The following PPP2R5E variants were observed in gnomAD, a reference collection of about 807,000 sequenced individuals.
PPP2R5E encodes serine/threonine-protein phosphatase 2A 56 kDa regulatory subunit epsilon isoform.
PPP2R5E carries 4 observed loss-of-function variants against 65.3 expected under a neutral mutation model. The observed-to-expected ratio is 0.06, with a 90% CI of 0.03 to 0.14. The LOEUF is 0.14. PPP2R5E is among the 10% of genes least tolerant of loss of function. The probability of loss-of-function intolerance (pLI) is 1.00; values close to 1 mark genes in which losing one functional copy is unlikely to be tolerated. For missense variants in PPP2R5E, 274 were observed against 556.1 expected (o/e 0.49, Z 5.10); for synonymous variants, 183 against 187.4 (o/e 0.98, Z 0.19).
chr14:63,392,147 CATTTT>C, intron 8 of PPP2R5E, 122 bp from the exon 9 acceptor site: 3 of 619,592 alleles, frequency 4.8e-6, no homozygotes, highest in Non-Finnish European at 7.9e-6. Flanking sequence ...ACATTCAATT[CATTTT>C]AATTATCATA....
intron 4 of PPP2R5E, among the ~76,000 whole-genome samples, chr14:63,419,205 A>G (rs1886872106): frequency 6.6e-6 from 1 of 152,160 alleles, no homozygotes; most frequent in African/African-American, 2.4e-5. Context: ...GGAGCAGTCA[A>G]TTAGCTGGGC....
intron 4 of PPP2R5E, among the ~76,000 whole-genome samples, chr14:63,419,847 T>G (rs992148463): frequency 6.6e-6 from 1 of 152,224 alleles, no homozygotes; most frequent in Non-Finnish European, 1.5e-5. Flanking sequence ...TGCCTTTATA[T>G]CCAAAAGGGC....
intron 1 of PPP2R5E, 39 bp downstream of exon 1, chr14:63,542,740 G>C (rs1005344275): frequency 6.5e-6 from 1 of 153,802 alleles, no homozygotes; most frequent in Non-Finnish European, 1.5e-5. Flanking sequence ...GAGGAAGAAG[G>C]GAAGCGGGCG....
In PPP2R5E at chr14:63,372,692, C is replaced by G. The variant is rs912978327; in HGVS notation, c.*3317G>C. On this transcript the variant is annotated 3_prime_UTR_variant, in exon 14 of 14. Coordinates refer to ENST00000337537, the MANE Select transcript of PPP2R5E (RefSeq NM_006246.5). ...CAAAAAAATAAAAAAGCTTTTAAAG[C>G]TCTAAATATACTTTTTTTGTTTCTT... 2.0e-5 allele frequency: 3 copies of G among 152,100 alleles called. No individual in the cohort carries two copies. Among genetic ancestry groups the G allele is most frequent in the African/African-American group, 7.2e-5 (3 of 41,418 alleles). 9.4% of individuals were successfully genotyped at this position (152,100 alleles called of 1,614,324 possible).
At chr14:63,399,482 C>T (rs941753775) in intron 5 of PPP2R5E, among the ~76,000 whole-genome samples, 2 of 139,416 alleles carry the variant, frequency 1.4e-5, no homozygotes, top group Admixed American at 7.8e-5. Context: ...CGGGTTCAAG[C>T]GATTCTCCTG....
chr14:63,541,205 C>T (rs1362505448), intron 1 of PPP2R5E, among the ~76,000 whole-genome samples: 1 of 152,148 alleles, frequency 6.6e-6, no homozygotes, highest in African/African-American at 2.4e-5. Context: ...ACATAAAAGG[C>T]ATAATTAAAA....
At chr14:63,511,847 G>A (rs1324976333) in intron 2 of PPP2R5E, among the ~76,000 whole-genome samples, 8 of 152,006 alleles carry the variant, frequency 5.3e-5, no homozygotes, top group Admixed American at 3.9e-4. Context: ...GGGAGGCCGA[G>A]GTGAGTGGAT....
chr14:63,516,968 A>C (rs1594961698), intron 2 of PPP2R5E, among the ~76,000 whole-genome samples: 1 of 152,208 alleles, frequency 6.6e-6, no homozygotes, highest in Non-Finnish European at 1.5e-5. Flanking sequence ...GATGAACTAA[A>C]TAGATTTTTA....
At chr14:63,479,951 A>G (rs1890608918) in intron 2 of PPP2R5E, among the ~76,000 whole-genome samples, 1 of 152,218 alleles carries the variant, frequency 6.6e-6, no homozygotes, top group South Asian at 2.1e-4. Flanking sequence ...ATTTGAATGC[A>G]TACATAGTAA....
chr14:63,452,689 TTCAGTCACAG>T (rs1888910668), intron 3 of PPP2R5E: 1 of 152,226 alleles, frequency 6.6e-6, no homozygotes, highest in Non-Finnish European at 1.5e-5. Flanking sequence ...CCTTCATTAT[TTCAGTCACAG>T]TCTCACGCTG....
intron 2 of PPP2R5E, among the ~76,000 whole-genome samples, chr14:63,487,602 A>G (rs1175366917): frequency 1.3e-5 from 2 of 152,242 alleles, no homozygotes; most frequent in Admixed American, 6.5e-5. Context: ...CCTGAGAGGT[A>G]TATCTATGTT....
intron 1 of PPP2R5E, among the ~76,000 whole-genome samples, chr14:63,540,126 C>G (rs1411906942): frequency 7.9e-6 from 1 of 127,364 alleles, no homozygotes; most frequent in African/African-American, 3.0e-5. Context: ...GAGATTCCGT[C>G]CTTTAAAAAA....
Position 63,497,687 on chromosome 14 carries a change from G to A in PPP2R5E, c.157+41842C>T, listed in dbSNP as rs540733909. ...CGCTTGAAACTGGGAGGCAGAGGTT[G>A]CAGTGAGCCAAGACTGTACCAGTGT... On this transcript the variant is annotated intron_variant, in intron 2 of 13. Coordinates refer to ENST00000337537, the MANE Select transcript of PPP2R5E (RefSeq NM_006246.5). Among the ~76,000 whole-genome samples the A allele has an allele frequency of 2.6e-5, 4 of 152,102 alleles. No individual in the cohort carries two copies. In the East Asian group the frequency reaches 7.7e-4, roughly 29 times the overall value.
At chr14:63,389,194 C>T (rs1884861883) in intron 11 of PPP2R5E, among the ~76,000 whole-genome samples, 1 of 149,234 alleles carries the variant, frequency 6.7e-6, no homozygotes, top group South Asian at 2.1e-4. Context: ...AAATAATGTA[C>T]CTAAAGTATC....
chr14:63,385,647 C>T (rs879015308), intron 11 of PPP2R5E, among the ~76,000 whole-genome samples: 2 of 152,148 alleles, frequency 1.3e-5, no homozygotes, highest in Non-Finnish European at 2.9e-5. Flanking sequence ...GCCTACACAG[C>T]AAGTAGAATG....
intron 3 of PPP2R5E, among the ~76,000 whole-genome samples, chr14:63,445,128 T>G (rs768480333): frequency 1.3e-5 from 2 of 152,172 alleles, no homozygotes; most frequent in Non-Finnish European, 2.9e-5. Flanking sequence ...TTACCACTAG[T>G]TAAGTGGAAG....
chr14:63,474,545 C>G (rs958470205), intron 2 of PPP2R5E, among the ~76,000 whole-genome samples: 2 of 151,572 alleles, frequency 1.3e-5, no homozygotes, highest in Admixed American at 6.6e-5. Context: ...CAGTGGTGTG[C>G]TCCTATAATC....
At chr14:63,483,839 C>T (rs1410739823) in intron 2 of PPP2R5E, among the ~76,000 whole-genome samples, 2 of 152,148 alleles carry the variant, frequency 1.3e-5, no homozygotes, top group East Asian at 1.9e-4. Flanking sequence ...AATCCCAGCA[C>T]TTTGGGAGGC....
chr14:63,438,163 T>C (rs1888034380), intron 3 of PPP2R5E, among the ~76,000 whole-genome samples: 1 of 152,254 alleles, frequency 6.6e-6, no homozygotes, highest in Non-Finnish European at 1.5e-5. Context: ...GATTCTTGCC[T>C]CAGGCACTCC....
Sources: gnomAD v4.1 joint callset for allele counts (sites outside exome capture counted in the v4.1 genomes callset) on GRCh38, gnomAD v4.1.1 for gene constraint, MANE v1.5 for transcripts, NCBI Gene and HGNC (gene_info 2026-07-23, HGNC 2026-07-21) for gene names.